Variants in AGAP1 observed in about 807,000 individuals in gnomAD.
AGAP1 encodes the protein ArfGAP with GTPase domain, ankyrin repeat and PH domain 1.
Under a neutral mutation model 105.3 loss-of-function variants are expected in AGAP1, and 29 were observed. The ratio of observed to expected loss-of-function variants is 0.28; its 90% CI spans 0.21 to 0.38. AGAP1 has a LOEUF of 0.38. Ranked by LOEUF, AGAP1 falls within the 10% of genes least tolerant of loss-of-function variation. AGAP1 has a pLI of 1.00. For missense variants in AGAP1, 998 were observed against 1,165.1 expected (o/e 0.86, Z 2.09); for synonymous variants, 509 against 485.9 (o/e 1.05, Z -0.63).
intron 1 of AGAP1, among the ~76,000 whole-genome samples, chr2:235,707,606 C>T (rs1268507458): frequency 4.4e-5 from 6 of 135,314 alleles, no homozygotes; most frequent in East Asian, 2.3e-4. Context: ...TGTGCTCCCC[C>T]GGCGTGTGAC....
At chr2:235,870,077 G>A (rs2049364181) in intron 9 of AGAP1, among the ~76,000 whole-genome samples, 2 of 152,176 alleles carry the variant, frequency 1.3e-5, no homozygotes. Flanking sequence ...GCTGGTTTTT[G>A]TGTGCCATCT....
intron 13 of AGAP1, 89 bp downstream of exon 13, chr2:235,968,712 CACA>C: frequency 7.3e-7 from 1 of 1,367,258 alleles, no homozygotes; most frequent in South Asian, 1.3e-5. Flanking sequence ...ACACCCTTAG[CACA>C]ACAAATGCAC....
At chr2:236,117,471 C>T (rs1045274216) in intron 16 of AGAP1, among the ~76,000 whole-genome samples, 3 of 152,086 alleles carry the variant, frequency 2.0e-5, no homozygotes, top group African/African-American at 7.2e-5. Context: ...GTTCAGGAGC[C>T]GCAGGTTCGT....
chr2:236,034,315 T>C (rs1450230592), intron 13 of AGAP1, among the ~76,000 whole-genome samples: 1 of 147,868 alleles, frequency 6.8e-6, no homozygotes, highest in Non-Finnish European at 1.5e-5. Flanking sequence ...TTTTTTTTTT[T>C]AATGAAATCT....
intron 1 of AGAP1, among the ~76,000 whole-genome samples, chr2:235,592,106 C>T (rs1455026505): frequency 6.6e-6 from 1 of 152,222 alleles, no homozygotes; most frequent in Non-Finnish European, 1.5e-5. Context: ...GGCGCTGGTT[C>T]CCAGGGGCCC....
At chr2:235,672,761 T>A (rs572033202) in intron 1 of AGAP1, among the ~76,000 whole-genome samples, 6 of 152,334 alleles carry the variant, frequency 3.9e-5, no homozygotes, top group African/African-American at 1.4e-4. Context: ...CAGACATGAT[T>A]TAGAGAGAAT....
In AGAP1 at chr2:235,951,123, T is replaced by C. The variant is rs1278798574; in HGVS notation, c.1484-17339T>C. Among the ~76,000 whole-genome samples the C allele has an allele frequency of 1.3e-5, 2 of 152,186 alleles. No homozygotes were observed. Among genetic ancestry groups the C allele is most frequent in the Non-Finnish European group, 2.9e-5 (2 of 68,038 alleles). The stretch of plus-strand genomic sequence containing the variant: ...ATTCTGGAGGTTGCACTCTGAATGA[T>C]TTCTTATTTTGTGGAAAATACGAAA... On this transcript the variant is annotated intron_variant, in intron 12 of 17. Coordinates refer to ENST00000304032, the MANE Select transcript of AGAP1 (RefSeq NM_001037131.3). This position sits in a 1 kb window ranked among gnomAD's most constrained non-coding sequence, Gnocchi z 4.2.
chr2:235,607,237 A>G (rs1945974716), intron 1 of AGAP1, among the ~76,000 whole-genome samples: 1 of 152,194 alleles, frequency 6.6e-6, no homozygotes, highest in African/African-American at 2.4e-5. Flanking sequence ...ATGCAGGGGA[A>G]TGCTAGGTGG....
Position 236,009,421 on chromosome 2 carries a change from C to T in AGAP1, c.1646-27140C>T, listed in dbSNP as rs886841493. Among the ~76,000 whole-genome samples the T allele has an allele frequency of 3.9e-5, 6 of 152,148 alleles. No homozygotes were observed. Among genetic ancestry groups the T allele is most frequent in the Non-Finnish European group, 7.3e-5 (5 of 68,036 alleles). On this transcript the variant is annotated intron_variant, in intron 13 of 17. Coordinates refer to ENST00000304032, the MANE Select transcript of AGAP1 (RefSeq NM_001037131.3). The surrounding 1 kb of genome is among the most constrained non-coding windows in gnomAD (Gnocchi z 4.2). ...ATCTTTGTGTAAAGGATCCTGGTGCCGCAGTCAGCCTGAAACACTCCAAGG... is the reference window on the plus strand; with the variant it reads ...ATCTTTGTGTAAAGGATCCTGGTGCTGCAGTCAGCCTGAAACACTCCAAGG...
At chr2:236,065,272 A>G (rs1327671959) in intron 16 of AGAP1, among the ~76,000 whole-genome samples, 2 of 152,158 alleles carry the variant, frequency 1.3e-5, no homozygotes, top group Admixed American at 6.5e-5. Context: ...ACACAGGGGC[A>G]CGTCCATTGG....
intron 6 of AGAP1, among the ~76,000 whole-genome samples, chr2:235,797,445 T>C (rs1012260576): frequency 1.6e-4 from 25 of 151,658 alleles, no homozygotes; most frequent in Non-Finnish European, 2.8e-4. Flanking sequence ...AGGAAAAACA[T>C]ACGAGAATTT....
rs1267135782 is a variant in AGAP1 at position 236,092,741 on chromosome 2, T to C, written c.2115-27451T>C. 1.3e-5 allele frequency among the ~76,000 whole-genome samples: 2 copies of C among 152,216 alleles called. No homozygotes were observed. The highest frequency in any genetic ancestry group is 2.9e-5 in the Non-Finnish European group (2 of 68,038). On this transcript the variant is annotated intron_variant, in intron 16 of 17. Transcript: ENST00000304032. The surrounding 1 kb of genome is among the most constrained non-coding windows in gnomAD (Gnocchi z 4.7). ...GAATACACAATTATTTCAAAAAAGCTTACTAAAAAGTTTAAAACAATCAAG... is the reference window on the plus strand; with the variant it reads ...GAATACACAATTATTTCAAAAAAGCCTACTAAAAAGTTTAAAACAATCAAG...
In AGAP1 at chr2:236,095,249, T is replaced by C. The variant is rs2059163653; in HGVS notation, c.2115-24943T>C. Among the ~76,000 whole-genome samples, 1 of 151,752 alleles carries C rather than the reference T, an allele frequency of 6.6e-6. No homozygotes were observed. Among genetic ancestry groups the C allele is most frequent in the Non-Finnish European group, 1.5e-5 (1 of 67,982 alleles). The stretch of plus-strand genomic sequence containing the variant: ...CCGTCTCTACAAAAAAGTTAAAAAT[T>C]AGCCAGGCGTGGTTGCATGCACCTG... On this transcript the variant is annotated intron_variant, in intron 16 of 17. Transcript: ENST00000304032. The surrounding 1 kb of genome is among the most constrained non-coding windows in gnomAD (Gnocchi z 4.1).
Position 235,958,924 on chromosome 2 carries a change from T to G in AGAP1, c.1484-9538T>G, listed in dbSNP as rs2054062842. Among the ~76,000 whole-genome samples, 1 of 152,210 alleles carries G rather than the reference T, an allele frequency of 6.6e-6. No homozygotes were observed. Among genetic ancestry groups the G allele is most frequent in the South Asian group, 2.1e-4 (1 of 4,832 alleles). ...TCGGAGAGACTGCAGATTGTGATCA[T>G]TATTGCTCGTATTATATATTTTTTG... On this transcript the variant is annotated intron_variant, in intron 12 of 17. Coordinates refer to ENST00000304032, the MANE Select transcript of AGAP1 (RefSeq NM_001037131.3). The surrounding 1 kb of genome is among the most constrained non-coding windows in gnomAD (Gnocchi z 4.1).
At chr2:235,583,156 G>C (rs997387661) in intron 1 of AGAP1, among the ~76,000 whole-genome samples, 21 of 152,072 alleles carry the variant, frequency 1.4e-4, no homozygotes, top group African/African-American at 5.1e-4. Flanking sequence ...CTCTGCCTGG[G>C]TTTTAATGTA....
rs1362032539 is a variant in AGAP1 at position 235,976,575 on chromosome 2, A to G, written c.1645+7952A>G. Reference sequence around the variant, plus strand: ...ATTTTTTTAACCACACACAAACTTAAAGGGGTTAGATTCAGGTCCAAAAAT... The same window carrying G: ...ATTTTTTTAACCACACACAAACTTAGAGGGGTTAGATTCAGGTCCAAAAAT... On this transcript the variant is annotated intron_variant, in intron 13 of 17. Coordinates refer to ENST00000304032, the MANE Select transcript of AGAP1 (RefSeq NM_001037131.3). The surrounding 1 kb of genome is among the most constrained non-coding windows in gnomAD (Gnocchi z 4.5). Among the ~76,000 whole-genome samples the G allele has an allele frequency of 2.0e-5, 3 of 152,300 alleles. No individual in the cohort carries two copies. In the South Asian group the frequency reaches 6.2e-4, roughly 32 times the overall value.
chr2:235,575,082 C>T (rs1944688995), intron 1 of AGAP1, among the ~76,000 whole-genome samples: 1 of 152,052 alleles, frequency 6.6e-6, no homozygotes, highest in Non-Finnish European at 1.5e-5. Context: ...ACGATCGTAC[C>T]ACTGCACTCC....
rs141172121 is a variant in AGAP1, at chr2:235,897,240, A to T, written c.1156-11498A>T. On this transcript the variant is annotated intron_variant, in intron 10 of 17. Coordinates refer to ENST00000304032, the MANE Select transcript of AGAP1 (RefSeq NM_001037131.3). ...TTGTTGGTAGGGACAGGGTTTTGCT[A>T]TGTTGGCCAGGCTGGTCTCAAATTC... Among the ~76,000 whole-genome samples the T allele has an allele frequency of 2.7e-4, 41 of 152,170 alleles. 1 individual carries two copies. In the East Asian group the frequency reaches 7.9e-3, roughly 29 times the overall value.
intron 6 of AGAP1, among the ~76,000 whole-genome samples, chr2:235,760,895 A>G (rs1954384672): frequency 6.6e-6 from 1 of 152,210 alleles, no homozygotes; most frequent in African/African-American, 2.4e-5. Context: ...CAGCAGCCCA[A>G]CTTTTAAAGG....
Sources: gnomAD v4.1 joint callset for allele counts (sites outside exome capture counted in the v4.1 genomes callset) on GRCh38, gnomAD v4.1.1 for gene constraint, Gnocchi (gnomAD v3.1) non-coding constraint, MANE v1.5 for transcripts, NCBI Gene and HGNC (gene_info 2026-07-23, HGNC 2026-07-21) for gene names.